Variants in PARD3B observed in about 807,000 individuals in gnomAD.
PARD3B encodes partitioning defective 3 homolog B.
In PARD3B, 103 loss-of-function variants were observed where a neutral mutation model predicts 130.2. The observed-to-expected ratio is 0.79, with a 90% CI of 0.67 to 0.93. The LOEUF (loss-of-function observed/expected upper bound fraction) is 0.93, where lower values mean the gene tolerates loss of function less well. Ranked by LOEUF, PARD3B falls within the 40% of genes least tolerant of loss-of-function variation. The probability of loss-of-function intolerance (pLI) is 0.00; values close to 1 mark genes in which losing one functional copy is unlikely to be tolerated. For missense variants in PARD3B, 1,609 were observed against 1,499.2 expected (o/e 1.07, Z -1.21); for synonymous variants, 583 against 553.2 (o/e 1.05, Z -0.76).
chr2:205,242,498 C>T (rs1212319009), intron 15 of PARD3B, among the ~76,000 whole-genome samples: 1 of 152,134 alleles, frequency 6.6e-6, no homozygotes, highest in Non-Finnish European at 1.5e-5. Flanking sequence ...AGTGTACTTT[C>T]ATTGCCTTTC....
intron 18 of PARD3B, among the ~76,000 whole-genome samples, chr2:205,332,286 A>C (rs10221878): frequency 0.014 from 2,125 of 152,268 alleles, 44 homozygotes; most frequent in African/African-American, 0.048. Context: ...CTCATTTATA[A>C]CAATCCATAC....
At chr2:205,007,446 G>C (rs1695361646) in intron 3 of PARD3B, among the ~76,000 whole-genome samples, 1 of 152,130 alleles carries the variant, frequency 6.6e-6, no homozygotes, top group South Asian at 2.1e-4. Flanking sequence ...TGAATAGGGT[G>C]TCTTTTCCCC....
intron 3 of PARD3B, among the ~76,000 whole-genome samples, chr2:205,031,355 G>A (rs1697408919): frequency 6.6e-6 from 1 of 152,110 alleles, no homozygotes; most frequent in Non-Finnish European, 1.5e-5. Context: ...AGCTTATAAG[G>A]GCAATTCCTC....
chr2:204,624,653 A>G (rs1466442987), intron 1 of PARD3B, among the ~76,000 whole-genome samples: 1 of 152,054 alleles, frequency 6.6e-6, no homozygotes, highest in East Asian at 1.9e-4. Context: ...GCTTGTTTCC[A>G]GTTTTTGGTT....
At chr2:205,454,701 C>G (rs574598739) in intron 20 of PARD3B, among the ~76,000 whole-genome samples, 11 of 152,234 alleles carry the variant, frequency 7.2e-5, no homozygotes, top group Admixed American at 6.5e-4. Flanking sequence ...ATGTCAAGTT[C>G]AGTAGGGGGC....
At chr2:204,577,544 G>A (rs1352696437) in intron 1 of PARD3B, among the ~76,000 whole-genome samples, 2 of 151,992 alleles carry the variant, frequency 1.3e-5, no homozygotes, top group Admixed American at 6.6e-5. Flanking sequence ...ACATTGCCCC[G>A]GTTTTTAAAG....
At chr2:204,864,249 C>T (rs2045323558) in intron 2 of PARD3B, among the ~76,000 whole-genome samples, 1 of 152,140 alleles carries the variant, frequency 6.6e-6, no homozygotes, top group African/African-American at 2.4e-5. Flanking sequence ...GGGAGCTTTA[C>T]AATGGGACCC....
chr2:204,935,317 C>G (rs1250081555), intron 2 of PARD3B, among the ~76,000 whole-genome samples: 1 of 148,622 alleles, frequency 6.7e-6, no homozygotes, highest in African/African-American at 2.5e-5. Flanking sequence ...ATCACAAGGT[C>G]AGGAGATCAA....
At chr2:204,789,025 T>G (rs2042109189) in intron 2 of PARD3B, among the ~76,000 whole-genome samples, 1 of 152,180 alleles carries the variant, frequency 6.6e-6, no homozygotes, top group Non-Finnish European at 1.5e-5. Context: ...GTTGTCATGT[T>G]CTATTATTAA....
chr2:205,190,052 T>C (rs2036310488), intron 14 of PARD3B, among the ~76,000 whole-genome samples: 1 of 152,220 alleles, frequency 6.6e-6, no homozygotes, highest in South Asian at 2.1e-4. Context: ...AGCCTTTTAT[T>C]TCTTTGATCC....
chr2:205,100,877 G>A (rs561042109), intron 4 of PARD3B, among the ~76,000 whole-genome samples: 4 of 152,154 alleles, frequency 2.6e-5, no homozygotes, highest in Admixed American at 2.0e-4. Context: ...AGCTAACACC[G>A]TATAAGATTC....
rs576165309 is a variant in PARD3B at position 205,463,255 on chromosome 2, G to A, written c.3044+22583G>A. Among the ~76,000 whole-genome samples the A allele has an allele frequency of 6.6e-6, 1 of 152,028 alleles. No homozygotes were observed. Among genetic ancestry groups the A allele is most frequent in the Admixed American group, 6.5e-5 (1 of 15,276 alleles). On this transcript the variant is annotated intron_variant, in intron 20 of 22. Coordinates refer to ENST00000406610, the MANE Select transcript of PARD3B (RefSeq NM_001302769.2). This position sits in a 1 kb window ranked among gnomAD's most constrained non-coding sequence, Gnocchi z 4.8. ...ACACATAAGGAGAGTTTGAACAATGGATCCAAATTATCATTGCAAGAGTGC... is the reference window on the plus strand; with the variant it reads ...ACACATAAGGAGAGTTTGAACAATGAATCCAAATTATCATTGCAAGAGTGC...
chr2:205,162,750 C>T (rs541573890), intron 11 of PARD3B, among the ~76,000 whole-genome samples: 1 of 152,108 alleles, frequency 6.6e-6, no homozygotes, highest in Non-Finnish European at 1.5e-5. Context: ...GAAAAAATAC[C>T]TTTCCCTAAA....
chr2:205,271,175 G>GA (rs1394201951), intron 16 of PARD3B, among the ~76,000 whole-genome samples: 1 of 152,116 alleles, frequency 6.6e-6, no homozygotes, highest in Non-Finnish European at 1.5e-5. Context: ...AAGCAGAGAA[G>GA]AAAAAAATCA....
intron 2 of PARD3B, among the ~76,000 whole-genome samples, chr2:204,859,504 T>G (rs2045098348): frequency 6.6e-6 from 1 of 152,240 alleles, no homozygotes; most frequent in Admixed American, 6.5e-5. Flanking sequence ...CTGTAAAGAT[T>G]GGAAAACCTC....
chr2:204,601,192 T>G (rs572237999), intron 1 of PARD3B, among the ~76,000 whole-genome samples: 1 of 152,106 alleles, frequency 6.6e-6, no homozygotes, highest in East Asian at 1.9e-4. Context: ...GTAATAGCAA[T>G]GAACACTCTT....
At chr2:204,776,964 T>C (rs2041649001) in intron 2 of PARD3B, among the ~76,000 whole-genome samples, 1 of 152,020 alleles carries the variant, frequency 6.6e-6, no homozygotes. Flanking sequence ...TAGCAATGCC[T>C]CTGTGAGAAC....
chr2:205,383,470 C>T (rs576281385), intron 18 of PARD3B, among the ~76,000 whole-genome samples: 1 of 152,058 alleles, frequency 6.6e-6, no homozygotes, highest in Admixed American at 6.6e-5. Flanking sequence ...TCTCAAAATA[C>T]GGTTTTCTAA....
rs1001915685 is a variant in PARD3B, at chr2:205,608,939, A to G, written c.3261-6517A>G. On this transcript the variant is annotated intron_variant, in intron 22 of 22. Transcript: ENST00000406610. ...CTTGGTGTGTATGAGGGCCACAAGC[A>G]TCTGCTGCTGCACACTCCACCCATT... Among the ~76,000 whole-genome samples, 37 of 152,222 alleles carry G rather than the reference A, an allele frequency of 2.4e-4. 1 individual carries two copies. Among genetic ancestry groups the G allele is most frequent in the Admixed American group, 2.4e-3 (36 of 15,282 alleles).
Sources: gnomAD v4.1 joint callset for allele counts (sites outside exome capture counted in the v4.1 genomes callset) on GRCh38, gnomAD v4.1.1 for gene constraint, Gnocchi (gnomAD v3.1) non-coding constraint, MANE v1.5 for transcripts, NCBI Gene and HGNC (gene_info 2026-07-23, HGNC 2026-07-21) for gene names.